Variants in RPS6KC1 observed in about 807,000 individuals in gnomAD.
The protein encoded by RPS6KC1 is inactive ribosomal protein S6 kinase delta-1.
In RPS6KC1, 54 loss-of-function variants were observed where a neutral mutation model predicts 103.8. The ratio of observed to expected loss-of-function variants is 0.52; its 90% CI spans 0.42 to 0.65. The LOEUF (loss-of-function observed/expected upper bound fraction) is 0.65. Ranked by LOEUF, RPS6KC1 falls within the 30% of genes least tolerant of loss-of-function variation. RPS6KC1 has a pLI of 0.00. For missense variants in RPS6KC1, 1,151 were observed against 1,253.8 expected (o/e 0.92, Z 1.24); for synonymous variants, 439 against 438.7 (o/e 1.00, Z -0.01).
chr1:213,363,617 GCTTGCTTGCTTTCTTTCTTTCTTTCTTT>G, the RPS6KC1 span, among the ~76,000 whole-genome samples: 214 of 89,728 alleles, frequency 2.4e-3, 22 homozygotes, highest in African/African-American at 5.7e-3. Context: ...TTGCTTGCTT[GCTTGCTTGCTTTCTTTCTTTCTTTCTTT>G]CTTTCTTTCT....
At chr1:213,812,112 TTTG>T in the RPS6KC1 span, among the ~76,000 whole-genome samples, 1 of 151,964 alleles carries the variant, frequency 6.6e-6, no homozygotes, top group Non-Finnish European at 1.5e-5. Context: ...CACTTTAACT[TTTG>T]TGGGATGCCC....
the RPS6KC1 span, among the ~76,000 whole-genome samples, chr1:213,855,467 C>T: frequency 6.6e-6 from 1 of 152,170 alleles, no homozygotes; most frequent in Non-Finnish European, 1.5e-5. Flanking sequence ...GCTAGATGTG[C>T]TCCTTCTGCC....
At chr1:213,735,936 G>A in the RPS6KC1 span, among the ~76,000 whole-genome samples, 1 of 152,122 alleles carries the variant, frequency 6.6e-6, no homozygotes, top group Non-Finnish European at 1.5e-5. Context: ...TTTCTCTATG[G>A]AGCACTGAAC....
At chr1:213,358,099 T>G in the RPS6KC1 span, among the ~76,000 whole-genome samples, 1 of 152,222 alleles carries the variant, frequency 6.6e-6, no homozygotes, top group Non-Finnish European at 1.5e-5. Context: ...ACTTCTCTTT[T>G]TTTGTTGTGT....
At chr1:213,818,341 G>A in the RPS6KC1 span, 5 of 152,628 alleles carry the variant, frequency 3.3e-5, no homozygotes, top group South Asian at 2.0e-4. Context: ...TGAATGCAAA[G>A]GAAAAGTTCT....
At chr1:213,714,076 C>CA in the RPS6KC1 span, among the ~76,000 whole-genome samples, 2 of 152,222 alleles carry the variant, frequency 1.3e-5, no homozygotes, top group Non-Finnish European at 2.9e-5. Context: ...ACTTTATAAT[C>CA]AAACTATCCT....
the RPS6KC1 span, among the ~76,000 whole-genome samples, chr1:213,287,084 C>A: frequency 6.6e-6 from 1 of 152,064 alleles, no homozygotes; most frequent in Non-Finnish European, 1.5e-5. Context: ...AAAGACTAAA[C>A]AATAGTATCT....
chr1:213,423,282 G>A, the RPS6KC1 span, among the ~76,000 whole-genome samples: 2 of 152,212 alleles, frequency 1.3e-5, no homozygotes, highest in East Asian at 3.8e-4. Flanking sequence ...AGAGAGAAAT[G>A]CGCCTCAGGT....
the RPS6KC1 span, among the ~76,000 whole-genome samples, chr1:213,733,211 T>TTTTTG: frequency 1.4e-5 from 2 of 146,906 alleles, no homozygotes; most frequent in East Asian, 2.0e-4. Context: ...GTTTAGGGTT[T>TTTTTG]TTTTGTTTTG....
the RPS6KC1 span, among the ~76,000 whole-genome samples, chr1:213,832,955 T>G: frequency 6.6e-6 from 1 of 151,818 alleles, no homozygotes; most frequent in African/African-American, 2.4e-5. Context: ...AGAATAGTAA[T>G]GAGAAGTATG....
intron 14 of RPS6KC1, among the ~76,000 whole-genome samples, chr1:213,267,615 A>G (rs760110017): frequency 6.6e-6 from 1 of 152,064 alleles, no homozygotes; most frequent in Non-Finnish European, 1.5e-5. Flanking sequence ...TAAAGCAGCT[A>G]TTGTAAATAT....
chr1:213,811,835 A>T, the RPS6KC1 span, among the ~76,000 whole-genome samples: 2 of 152,222 alleles, frequency 1.3e-5, no homozygotes, highest in African/African-American at 4.8e-5. Flanking sequence ...ATGAGGAGCC[A>T]TTGAGGGTTT....
the RPS6KC1 span, among the ~76,000 whole-genome samples, chr1:213,664,262 G>A: frequency 1.1e-4 from 16 of 152,046 alleles, no homozygotes; most frequent in African/African-American, 3.6e-4. Context: ...AAGCAGGACC[G>A]TGGCTGCTGA....
intron 3 of RPS6KC1, among the ~76,000 whole-genome samples, chr1:213,080,597 G>A (rs1312564983): frequency 6.6e-6 from 1 of 152,092 alleles, no homozygotes; most frequent in African/African-American, 2.4e-5. Context: ...TTTTGAGACA[G>A]AGTCTCACTC....
the RPS6KC1 span, among the ~76,000 whole-genome samples, chr1:213,790,088 G>C: frequency 3.9e-5 from 6 of 152,186 alleles, no homozygotes; most frequent in African/African-American, 1.4e-4. Context: ...GACTGAGGAG[G>C]AGAGTTTCTG....
the RPS6KC1 span, among the ~76,000 whole-genome samples, chr1:213,766,854 G>GGCTTT: frequency 6.6e-6 from 1 of 151,902 alleles, no homozygotes; most frequent in African/African-American, 2.4e-5. Flanking sequence ...TTCCTCCCAT[G>GGCTTT]GCTTTCTCTG....
At chr1:213,701,849 A>G in the RPS6KC1 span, among the ~76,000 whole-genome samples, 3 of 151,640 alleles carry the variant, frequency 2.0e-5, no homozygotes, top group African/African-American at 7.3e-5. Flanking sequence ...ATTTTATTCA[A>G]CTTTTCAAAA....
the RPS6KC1 span, among the ~76,000 whole-genome samples, chr1:213,752,168 C>T: frequency 0.12 from 18,073 of 152,082 alleles, 1,322 homozygotes; most frequent in African/African-American, 0.2. Context: ...AGAAAATACC[C>T]TTCGATAGGT....
rs11120107 is a variant in RPS6KC1, at chr1:213,245,577, T to C, written c.2911+2919T>C. 3.6e-3 allele frequency among the ~76,000 whole-genome samples: 542 copies of C among 152,290 alleles called. 4 individuals carry two copies. Among genetic ancestry groups the C allele is most frequent in the African/African-American group, 0.012 (509 of 41,566 alleles). Reference sequence around the variant, plus strand: ...TATCACATATTTGTCCTGAAAACATTATCCACCTGCCCTGTGCTTTATAAT... The same window carrying C: ...TATCACATATTTGTCCTGAAAACATCATCCACCTGCCCTGTGCTTTATAAT... On this transcript the variant is annotated intron_variant, in intron 12 of 14. Transcript: ENST00000366960.
Sources: gnomAD v4.1 joint callset for allele counts (sites outside exome capture counted in the v4.1 genomes callset) on GRCh38, gnomAD v4.1.1 for gene constraint, MANE v1.5 for transcripts, NCBI Gene and HGNC (gene_info 2026-07-23, HGNC 2026-07-21) for gene names.